The following SNX13 variants were observed in gnomAD, a reference collection of about 807,000 sequenced individuals.
SNX13 encodes sorting nexin 13, also known as sorting nexin-13.
SNX13 carries 45 observed loss-of-function variants against 133.6 expected under a neutral mutation model. That is an observed-to-expected ratio of 0.34 (90% CI 0.27 to 0.43). SNX13 has a LOEUF of 0.43. SNX13 is among the 20% of genes least tolerant of loss of function. The probability of loss-of-function intolerance (pLI) is 1.00; values close to 1 mark genes in which losing one functional copy is unlikely to be tolerated. For missense variants in SNX13, 1,032 were observed against 1,145.1 expected (o/e 0.90, Z 1.43); for synonymous variants, 414 against 373.9 (o/e 1.11, Z -1.24).
chr7:17,824,774 CTTT>C (rs35168851), intron 17 of SNX13, among the ~76,000 whole-genome samples: 1 of 146,880 alleles, frequency 6.8e-6, no homozygotes, highest in African/African-American at 2.5e-5. Context: ...GAAGAAATAA[CTTT>C]TTTTTTTTTT....
At chr7:17,903,376 T>G (rs1045825783) in intron 1 of SNX13, among the ~76,000 whole-genome samples, 1 of 152,166 alleles carries the variant, frequency 6.6e-6, no homozygotes, top group Non-Finnish European at 1.5e-5. Context: ...AATCACAATT[T>G]TAAAATCTAA....
intron 12 of SNX13, among the ~76,000 whole-genome samples, chr7:17,841,593 C>A (rs1475225912): frequency 6.6e-6 from 1 of 151,292 alleles, no homozygotes; most frequent in Non-Finnish European, 1.5e-5. Context: ...CGCACACACA[C>A]CCCAAGGCAT....
chr7:17,886,470 G>A (rs1438594823), intron 5 of SNX13, among the ~76,000 whole-genome samples: 1 of 151,812 alleles, frequency 6.6e-6, no homozygotes, highest in Admixed American at 6.6e-5. Flanking sequence ...AAGGAGGCTG[G>A]GGCAGAAGAA....
Position 17,803,409 on chromosome 7 carries a change from GTCT to G in SNX13, c.2226+7_2226+9del. 1 of 1,596,282 alleles carries G rather than the reference GTCT, an allele frequency of 6.3e-7. No individual in the cohort carries two copies. The highest frequency in any genetic ancestry group is 8.5e-7 in the Non-Finnish European group (1 of 1,171,288). On this transcript the variant is annotated splice_region_variant and intron_variant, in intron 21 of 25. Transcript: ENST00000428135. ...GTTTGCTTTAGACATTACTGAAAAT[GTCT>G]TCTTACCTTAAAAAATGATTGCTTT...
At chr7:17,847,723 T>C (rs1340565772) in intron 11 of SNX13, among the ~76,000 whole-genome samples, 4 of 152,180 alleles carry the variant, frequency 2.6e-5, no homozygotes, top group Non-Finnish European at 4.4e-5. Context: ...CTAATTTACC[T>C]CTTCCCATTC....
chr7:17,820,023 T>A (rs576198519), intron 18 of SNX13, among the ~76,000 whole-genome samples: 3 of 152,258 alleles, frequency 2.0e-5, no homozygotes, highest in African/African-American at 7.2e-5. Flanking sequence ...GGCACTGAAC[T>A]GAAAAGGGAA....
chr7:17,856,360 G>A (rs1791883268), intron 9 of SNX13, among the ~76,000 whole-genome samples: 1 of 152,018 alleles, frequency 6.6e-6, no homozygotes. Flanking sequence ...TACTACCAGA[G>A]AAAAATCACT....
At chr7:17,855,930 C>A (rs935723763) in intron 9 of SNX13, among the ~76,000 whole-genome samples, 5 of 152,188 alleles carry the variant, frequency 3.3e-5, no homozygotes, top group African/African-American at 1.2e-4. Context: ...TGATAACCTT[C>A]TAGAAATGAC....
At chr7:17,862,312 A>G (rs974752242) in intron 9 of SNX13, among the ~76,000 whole-genome samples, 1 of 152,206 alleles carries the variant, frequency 6.6e-6, no homozygotes, top group Non-Finnish European at 1.5e-5. Flanking sequence ...CTGTACTACT[A>G]AACAAATTTT....
At chr7:17,819,367 G>T (rs1787027664) in intron 18 of SNX13, among the ~76,000 whole-genome samples, 1 of 151,846 alleles carries the variant, frequency 6.6e-6, no homozygotes, top group South Asian at 2.1e-4. Flanking sequence ...TCAGCCTCCT[G>T]AGTAGCTGGG....
At chr7:17,817,111 C>G (rs539200830) in intron 18 of SNX13, among the ~76,000 whole-genome samples, 5 of 152,258 alleles carry the variant, frequency 3.3e-5, no homozygotes, top group Non-Finnish European at 7.4e-5. Context: ...AAATTAAGAA[C>G]AGTCAGCATA....
At chr7:17,864,552 T>C (rs950703506) in intron 9 of SNX13, among the ~76,000 whole-genome samples, 1 of 151,958 alleles carries the variant, frequency 6.6e-6, no homozygotes, top group African/African-American at 2.4e-5. Flanking sequence ...TTATTGGCCT[T>C]AAAGAGGATG....
chr7:17,870,397 A>G (rs1198554992), intron 8 of SNX13, among the ~76,000 whole-genome samples: 1 of 152,218 alleles, frequency 6.6e-6, no homozygotes, highest in Non-Finnish European at 1.5e-5. Context: ...AAAGAAAACA[A>G]AGAAAGAGCT....
intron 13 of SNX13, among the ~76,000 whole-genome samples, chr7:17,837,650 A>G (rs1302941992): frequency 3.3e-5 from 5 of 152,012 alleles, no homozygotes; most frequent in Non-Finnish European, 5.9e-5. Flanking sequence ...CAGGCCTACA[A>G]TGCTCATTTT....
intron 9 of SNX13, among the ~76,000 whole-genome samples, chr7:17,867,076 C>T (rs904777091): frequency 6.6e-6 from 1 of 152,068 alleles, no homozygotes; most frequent in African/African-American, 2.4e-5. Context: ...TTTAAAATAA[C>T]TTCTTAGGAG....
chr7:17,868,639 A>C, intron 8 of SNX13, 149 bp from the exon 9 acceptor site: 1 of 592,940 alleles, frequency 1.7e-6, no homozygotes, highest in East Asian at 2.9e-5. Flanking sequence ...TTATAAAAAG[A>C]TGAACTACTA....
chr7:17,940,268 C>A lies in SNX13; in HGVS notation c.12+16G>T. On this transcript the variant is annotated intron_variant, in intron 1 of 25. Coordinates refer to ENST00000428135, the MANE Select transcript of SNX13 (RefSeq NM_015132.5). ...CCCCATTTCACAGGTAAACACTGGC[C>A]ACCGTCGCCGCTTACCTCAGTTAAC... The A allele has an allele frequency of 1.3e-6, 2 of 1,558,522 alleles. No homozygotes were observed. Among genetic ancestry groups the A allele is most frequent in the Admixed American group, 3.9e-5 (2 of 51,836 alleles).
chr7:17,843,038 C>A (rs1417770945), intron 12 of SNX13, among the ~76,000 whole-genome samples: 1 of 151,760 alleles, frequency 6.6e-6, no homozygotes, highest in African/African-American at 2.4e-5. Context: ...TCAAAAAAGA[C>A]ATAAAGCATG....
chr7:17,792,602 AGC>A lies in SNX13; in HGVS notation c.*1441_*1442del, dbSNP rs1249853890. The A allele has an allele frequency of 1.3e-5, 2 of 152,400 alleles. No individual in the cohort carries two copies. The highest frequency in any genetic ancestry group is 1.3e-4 in the Admixed American group (2 of 15,230). 9.4% of individuals were successfully genotyped at this position (152,400 alleles called of 1,614,324 possible). ...ACCAATACTCTGTCCCTTTATCTTA[AGC>A]ACCCAGACTTTCTTTTAATACCAGG... is the stretch of plus-strand genomic sequence containing the variant. On this transcript the variant is annotated 3_prime_UTR_variant, in exon 26 of 26. Coordinates refer to ENST00000428135, the MANE Select transcript of SNX13 (RefSeq NM_015132.5).
Sources: allele counts gnomAD v4.1 joint callset (sites outside exome capture counted in the v4.1 genomes callset), GRCh38; gene constraint gnomAD v4.1.1; transcripts MANE v1.5; gene names NCBI Gene and HGNC (gene_info 2026-07-23, HGNC 2026-07-21).